The following SMG7 variants were observed in gnomAD, a reference collection of about 807,000 sequenced individuals.
SMG7 encodes the protein SMG7 nonsense mediated mRNA decay factor, also known as nonsense-mediated mRNA decay factor SMG7.
Under a neutral mutation model 148.2 loss-of-function variants are expected in SMG7, and 34 were observed. The ratio of observed to expected loss-of-function variants is 0.23; its 90% CI spans 0.17 to 0.31. The LOEUF is 0.31. Among genes scored for constraint, SMG7 ranks in the 10% least tolerant of loss-of-function variants. The pLI is 1.00. For missense variants in SMG7, 1,114 were observed against 1,408.4 expected, an observed-to-expected ratio of 0.79 and a Z score of 3.35; for synonymous variants, 492 against 515.1, an observed-to-expected ratio of 0.96 and a Z score of 0.61.
At chr1:183,488,235 G>A (rs1461843311) in intron 1 of SMG7, among the ~76,000 whole-genome samples, 1 of 152,122 alleles carries the variant, frequency 6.6e-6, no homozygotes, top group African/African-American at 2.4e-5. Flanking sequence ...AGGTTTTGAG[G>A]TTTTTCTCTT....
At chr1:183,541,555 A>G (rs1378614538) in intron 13 of SMG7, among the ~76,000 whole-genome samples, 2 of 151,930 alleles carry the variant, frequency 1.3e-5, no homozygotes, top group Non-Finnish European at 2.9e-5. Flanking sequence ...TTGTAATTCC[A>G]TTGGTTTGAG....
intron 4 of SMG7, among the ~76,000 whole-genome samples, chr1:183,522,550 T>C (rs754777896): frequency 3.3e-5 from 5 of 152,118 alleles, no homozygotes; most frequent in African/African-American, 9.7e-5. Context: ...TTTTAACATA[T>C]CTGAAATAGA....
rs188765106 is a variant in SMG7, at chr1:183,500,881, G to A, written c.30-11956G>A. 4.2e-3 allele frequency among the ~76,000 whole-genome samples: 643 copies of A among 152,250 alleles called. 2 individuals are homozygous for A. The highest frequency in any genetic ancestry group is 7.0e-3 in the Non-Finnish European group (476 of 67,996). On this transcript the variant is annotated intron_variant, in intron 1 of 22. Transcript: ENST00000688051. ...GTGGCACTTTATATGCTATGCTGAG[G>A]AACTTGAGTTTTATCATATTTTCTC...
chr1:183,548,155 C>A (rs1450823386), intron 18 of SMG7, among the ~76,000 whole-genome samples: 13 of 152,148 alleles, frequency 8.5e-5, no homozygotes, highest in Non-Finnish European at 1.2e-4. Context: ...ACATTGCTGC[C>A]ATCCCTGGCA....
rs1670041662 is a variant in SMG7, at chr1:183,547,013, T to C, written c.2743-90T>C. On this transcript the variant is annotated intron_variant, in intron 17 of 22. Transcript: ENST00000688051. ...ATCTATCTCACTATCCCCTTGACTT[T>C]AGTTGTCTTCTTCCACCTAATTATG... 6.2e-6 allele frequency: 8 copies of C among 1,290,608 alleles called. No individual in the cohort carries two copies. The East Asian group carries it at 7.6e-5, about 12-fold the overall frequency. 79.9% of individuals were successfully genotyped at this position (1,290,608 alleles called of 1,614,324 possible). A position where few individuals can be genotyped will look rare whatever the true frequency, so the allele number is the denominator to read the frequency against.
chr1:183,549,268 A>T lies in SMG7; in HGVS notation c.2953A>T (p.Thr985Ser). ...ACATTCATCCTCTTTCCTGTCCCTC[A>T]CCGGATTCTCTCTCAATCAGGTAGG... Reference protein sequence around the residue: ...MSHSSSFLSLTGFSLNQERYP... With the variant: ...MSHSSSFLSLSGFSLNQERYP... Residue 985 changes from threonine to serine, a missense_variant, in exon 19 of 23, where the codon ACC becomes TCC. By Grantham distance (58) the Thr-to-Ser change is moderately conservative. Coordinates refer to ENST00000688051, the MANE Select transcript of SMG7 (RefSeq NM_001375584.1). 6.2e-7 allele frequency: 1 copy of T among 1,613,240 alleles called. No homozygotes were observed. Among genetic ancestry groups the T allele is most frequent in the Non-Finnish European group, 8.5e-7 (1 of 1,179,280 alleles).
At chr1:183,483,204 C>T (rs1218860715) in intron 1 of SMG7, among the ~76,000 whole-genome samples, 4 of 152,076 alleles carry the variant, frequency 2.6e-5, no homozygotes, top group Non-Finnish European at 4.4e-5. Flanking sequence ...TTTCTCAGAT[C>T]GCAGAAGTTG....
chr1:183,472,926 T>G, intron 1 of SMG7: 7 of 349,764 alleles, frequency 2.0e-5, no homozygotes, highest in Admixed American at 4.7e-5. Flanking sequence ...GCGCCCTTGG[T>G]CTCGGGTTTG....
intron 12 of SMG7, 44 bp downstream of exon 12, chr1:183,538,484 GTA>G (rs748317405): frequency 1.8e-5 from 23 of 1,296,860 alleles, no homozygotes; most frequent in Non-Finnish European, 2.6e-5. Flanking sequence ...AGTGATTGCA[GTA>G]TTAAAATTAG....
intron 2 of SMG7, among the ~76,000 whole-genome samples, chr1:183,515,608 T>C (rs1378247010): frequency 6.6e-6 from 1 of 150,494 alleles, no homozygotes; most frequent in Non-Finnish European, 1.5e-5. Flanking sequence ...AACCATTCTT[T>C]TTTTTTTTTT....
At chr1:183,507,177 G>C (rs978106121) in intron 1 of SMG7, among the ~76,000 whole-genome samples, 4 of 152,034 alleles carry the variant, frequency 2.6e-5, no homozygotes, top group Non-Finnish European at 5.9e-5. Flanking sequence ...GTGCCCAGCT[G>C]TTAGGCTATA....
At chr1:183,549,044 G>A (rs1005608668) in intron 18 of SMG7, 164 bp from the exon 19 acceptor site, 9 of 598,416 alleles carry the variant, frequency 1.5e-5, no homozygotes, top group African/African-American at 3.7e-5. Context: ...GCACTTAGGC[G>A]GTGTCTTGGT....
chr1:183,486,218 T>C (rs1655379373), intron 1 of SMG7, among the ~76,000 whole-genome samples: 1 of 152,228 alleles, frequency 6.6e-6, no homozygotes, highest in African/African-American at 2.4e-5. Context: ...CCAGTAAATG[T>C]TGGCTAATAA....
At chr1:183,477,623 CATATGTGTATATATG>C (rs1652823879) in intron 1 of SMG7, among the ~76,000 whole-genome samples, 2 of 88,432 alleles carry the variant, frequency 2.3e-5, no homozygotes, top group African/African-American at 9.4e-5. Flanking sequence ...TACGTGTGTG[CATATGTGTATATATG>C]CATATATACG....
At chr1:183,482,426 G>A (rs575461955) in intron 1 of SMG7, among the ~76,000 whole-genome samples, 1 of 151,570 alleles carries the variant, frequency 6.6e-6, no homozygotes, top group East Asian at 1.9e-4. Context: ...TTTGTAAGTA[G>A]CCTCATCTTA....
At chr1:183,477,547 TATAC>T (rs1478153182) in intron 1 of SMG7, among the ~76,000 whole-genome samples, 11 of 149,174 alleles carry the variant, frequency 7.4e-5, no homozygotes, top group South Asian at 2.2e-4. Flanking sequence ...TATATGCATA[TATAC>T]GTGTGTGCAT....
chr1:183,545,357 G>A, intron 16 of SMG7, 45 bp downstream of exon 16: 2 of 1,563,108 alleles, frequency 1.3e-6, no homozygotes, highest in South Asian at 2.3e-5. Flanking sequence ...GAAATAAGGG[G>A]AAATGCTGAA....
intron 1 of SMG7, among the ~76,000 whole-genome samples, chr1:183,475,009 A>G (rs1188146376): frequency 6.6e-6 from 1 of 152,212 alleles, no homozygotes; most frequent in African/African-American, 2.4e-5. Flanking sequence ...GAGATTATCA[A>G]GTTTGACCCT....
chr1:183,532,973 T>C (rs1667130609), intron 8 of SMG7, among the ~76,000 whole-genome samples, 191 bp from the exon 9 acceptor site: 1 of 152,186 alleles, frequency 6.6e-6, no homozygotes, highest in South Asian at 2.1e-4. Flanking sequence ...TTAATTCCTT[T>C]CAAGACAAAA....
Sources: allele counts gnomAD v4.1 joint callset (sites outside exome capture counted in the v4.1 genomes callset), GRCh38; gene constraint gnomAD v4.1.1; transcripts MANE v1.5; gene names NCBI Gene and HGNC (gene_info 2026-07-23, HGNC 2026-07-21).